The following EEIG2 variants were observed in gnomAD, a reference collection of about 807,000 sequenced individuals.
EEIG2 encodes EEIG family member 2, also known as family with sequence similarity 102 member B.
At chr1:108,635,224 A>C in the EEIG2 span, 1 of 1,572,886 alleles carries the variant, frequency 6.4e-7, no homozygotes, top group Non-Finnish European at 8.7e-7. Flanking sequence ...ATTTTATTCA[A>C]GCACTTAATA....
At chr1:108,564,267 A>G in the EEIG2 span, among the ~76,000 whole-genome samples, 1 of 150,846 alleles carries the variant, frequency 6.6e-6, no homozygotes, top group African/African-American at 2.4e-5. Flanking sequence ...GGTGGGGGGG[A>G]AATTAGAGAT....
chr1:108,589,625 C>G, the EEIG2 span, among the ~76,000 whole-genome samples: 3 of 151,994 alleles, frequency 2.0e-5, no homozygotes, highest in Non-Finnish European at 4.4e-5. Context: ...GTGTTAGCCT[C>G]CTTTGCCTGT....
chr1:108,583,986 G>A, the EEIG2 span, among the ~76,000 whole-genome samples: 4 of 152,104 alleles, frequency 2.6e-5, no homozygotes, highest in Non-Finnish European at 5.9e-5. Flanking sequence ...TATGAGAGAT[G>A]CTCTGTTTAT....
the EEIG2 span, chr1:108,628,099 G>C: frequency 1.9e-5 from 25 of 1,331,438 alleles, no homozygotes; most frequent in Non-Finnish European, 2.7e-5. Flanking sequence ...AAAGTCTGCA[G>C]AGTAGAATAC....
the EEIG2 span, among the ~76,000 whole-genome samples, chr1:108,579,918 C>T: frequency 6.6e-6 from 1 of 152,066 alleles, no homozygotes; most frequent in Non-Finnish European, 1.5e-5. Flanking sequence ...GTGGATGCCA[C>T]CACCCCCAGA....
the EEIG2 span, among the ~76,000 whole-genome samples, chr1:108,611,914 A>G: frequency 2.0e-5 from 3 of 146,882 alleles, no homozygotes; most frequent in East Asian, 6.0e-4. Context: ...TTTAATGTAT[A>G]TAGAAAAAAT....
At chr1:108,611,899 T>C in the EEIG2 span, among the ~76,000 whole-genome samples, 4 of 150,900 alleles carry the variant, frequency 2.7e-5, no homozygotes, top group Non-Finnish European at 5.9e-5. Context: ...CAGTAATATA[T>C]ATTCTTTAAT....
At chr1:108,606,272 A>C in the EEIG2 span, 2 of 1,533,262 alleles carry the variant, frequency 1.3e-6, no homozygotes, top group African/African-American at 1.4e-5. Flanking sequence ...TGTTCTTTTA[A>C]CTGTTTTGGA....
At chr1:108,567,879 T>C in the EEIG2 span, among the ~76,000 whole-genome samples, 1 of 152,050 alleles carries the variant, frequency 6.6e-6, no homozygotes, top group South Asian at 2.1e-4. Flanking sequence ...GCACCTGTGT[T>C]CCCAGCTACT....
chr1:108,579,766 T>C, the EEIG2 span, among the ~76,000 whole-genome samples: 1 of 14,792 alleles, frequency 6.8e-5, no homozygotes, highest in Admixed American at 1.2e-3. Flanking sequence ...TGTGTGTGTG[T>C]GTGTGTGAGA....
At chr1:108,576,896 A>G in the EEIG2 span, among the ~76,000 whole-genome samples, 2 of 152,116 alleles carry the variant, frequency 1.3e-5, no homozygotes, top group African/African-American at 4.8e-5. Context: ...TGGTTGAACT[A>G]GTTTACAGTC....
At chr1:108,569,900 A>C in the EEIG2 span, among the ~76,000 whole-genome samples, 1 of 152,138 alleles carries the variant, frequency 6.6e-6, no homozygotes, top group Non-Finnish European at 1.5e-5. Context: ...CACGGCTCCT[A>C]ACATTACTAC....
chr1:108,616,960 G>C, the EEIG2 span, among the ~76,000 whole-genome samples: 1 of 152,188 alleles, frequency 6.6e-6, no homozygotes, highest in Non-Finnish European at 1.5e-5. Flanking sequence ...TAGTAGTCAG[G>C]GGAGGCCCCC....
the EEIG2 span, among the ~76,000 whole-genome samples, chr1:108,599,886 A>G: frequency 0.97 from 147,924 of 152,278 alleles, 71,982 homozygotes; most frequent in Non-Finnish European, 1. Context: ...CAGCTACTCA[A>G]GAGGCTGAGT....
the EEIG2 span, among the ~76,000 whole-genome samples, chr1:108,630,015 G>A: frequency 6.6e-6 from 1 of 152,194 alleles, no homozygotes; most frequent in Non-Finnish European, 1.5e-5. Context: ...AGACAGGGCT[G>A]TTGCCCAAGC....
At chr1:108,569,452 A>G in the EEIG2 span, among the ~76,000 whole-genome samples, 1 of 152,174 alleles carries the variant, frequency 6.6e-6, no homozygotes, top group Non-Finnish European at 1.5e-5. Context: ...TCAGCCTCCC[A>G]AGTAGCTGGG....
chr1:108,572,827 G>A, the EEIG2 span, among the ~76,000 whole-genome samples: 2 of 151,944 alleles, frequency 1.3e-5, no homozygotes, highest in Non-Finnish European at 2.9e-5. Context: ...CCATGGTTTT[G>A]CCTTTTCCAG....
the EEIG2 span, among the ~76,000 whole-genome samples, chr1:108,605,448 A>T: frequency 1.3e-5 from 2 of 152,210 alleles, no homozygotes; most frequent in Non-Finnish European, 2.9e-5. Flanking sequence ...TGGAAATGAT[A>T]GATAATGCAT....
chr1:108,599,231 G>T, the EEIG2 span, among the ~76,000 whole-genome samples: 97 of 151,962 alleles, frequency 6.4e-4, no homozygotes, highest in Non-Finnish European at 1.2e-3. Context: ...ATTCCCTGAG[G>T]CAGCTATAAG....
Sources: gnomAD v4.1 joint callset for allele counts (sites outside exome capture counted in the v4.1 genomes callset) on GRCh38, gnomAD v4.1.1 for gene constraint, MANE v1.5 for transcripts, NCBI Gene and HGNC (gene_info 2026-07-23, HGNC 2026-07-21) for gene names.